The following ZNF514 variants were observed in gnomAD, a reference collection of about 807,000 sequenced individuals.
ZNF514 encodes zinc finger protein 514.
Under a neutral mutation model 9.7 loss-of-function variants are expected in ZNF514, and 12 were observed. The observed-to-expected ratio is 1.24, with a 90% CI of 0.79 to 2.01. The LOEUF (loss-of-function observed/expected upper bound fraction) is 2.01. Ranked by LOEUF, ZNF514 falls within the 30% of genes most tolerant of loss-of-function variation. The pLI, the probability that ZNF514 is intolerant of heterozygous loss-of-function variation, is 0.00. For missense variants in ZNF514, 467 were observed against 465.5 expected, an observed-to-expected ratio of 1.00 and a Z score of -0.03; for synonymous variants, 158 against 163.7, an observed-to-expected ratio of 0.97 and a Z score of 0.27.
the ZNF514 span, among the ~76,000 whole-genome samples, chr2:95,127,506 T>C: frequency 6.6e-6 from 1 of 152,256 alleles, no homozygotes; most frequent in Non-Finnish European, 1.5e-5. Flanking sequence ...AGTGATTAAG[T>C]GCCACCACAT....
rs911245498 is a variant in ZNF514, at chr2:95,152,700, C to T, written c.191G>A (p.Arg64Lys). The T allele has an allele frequency of 1.2e-6, 2 of 1,614,052 alleles. No individual in the cohort carries two copies. The highest frequency in any genetic ancestry group is 2.2e-5 in the East Asian group (1 of 44,896). Residue 64 changes from arginine to lysine, a missense_variant, in exon 4 of 5, where the codon AGA (arginine) becomes AAA (lysine). Arg to Lys is a conservative substitution (Grantham distance 26, BLOSUM62 2). Coordinates refer to ENST00000295208, the MANE Select transcript of ZNF514 (RefSeq NM_032788.3). ...TGAGTGGGCTCCTGTTGAGATTTCTCTCTCCACCATGAAGGGCTCACCCCC... is the reference window on the plus strand; with the variant it reads ...TGAGTGGGCTCCTGTTGAGATTTCTTTCTCCACCATGAAGGGCTCACCCCC... The part of the protein sequence containing the change: ...EEGGEPFMVE[R>K]EISTGAHSDW...
At chr2:95,154,636 T>C (rs1344536803) in intron 2 of ZNF514, 1 of 152,198 alleles carries the variant, frequency 6.6e-6, no homozygotes, top group East Asian at 1.9e-4. Context: ...TGGCTGAGTT[T>C]GACAAAGTAT....
At chr2:95,125,240 T>C in the ZNF514 span, among the ~76,000 whole-genome samples, 1 of 148,670 alleles carries the variant, frequency 6.7e-6, no homozygotes, top group Non-Finnish European at 1.5e-5. Flanking sequence ...TTTTTTTTTT[T>C]TTTTTTGAGA....
the ZNF514 span, among the ~76,000 whole-genome samples, chr2:95,127,601 G>GT: frequency 1.3e-5 from 2 of 151,566 alleles, no homozygotes; most frequent in East Asian, 2.0e-4. Flanking sequence ...TTTTGTTTTT[G>GT]TTTTTTTGTT....
intron 1 of ZNF514, among the ~76,000 whole-genome samples, chr2:95,157,700 T>C (rs149147802): frequency 9.8e-4 from 149 of 152,324 alleles, no homozygotes; most frequent in African/African-American, 3.5e-3. Context: ...AGTCTGGCCA[T>C]ACCACTGAAG....
At chr2:95,154,174 G>A (rs1423076613) in intron 2 of ZNF514, 4 of 152,348 alleles carry the variant, frequency 2.6e-5, no homozygotes, top group Non-Finnish European at 4.4e-5. Flanking sequence ...TGAAAGACAC[G>A]AGCTACAGGT....
chr2:95,157,487 C>T, intron 1 of ZNF514, 48 bp from the exon 2 acceptor site: 1 of 1,149,150 alleles, frequency 8.7e-7, no homozygotes. Flanking sequence ...AGCCAGCACA[C>T]ACAGCTCTCA....
At position 95,148,988 on chromosome 2, in the gene ZNF514, C is replaced by A; in HGVS notation, c.*294G>T. The A allele has an allele frequency of 3.0e-6, 1 of 334,472 alleles. No homozygotes were observed. The highest frequency in any genetic ancestry group is 4.4e-5 in the Admixed American group (1 of 22,706). 20.7% of individuals were successfully genotyped at this position (334,472 alleles called of 1,614,324 possible). On this transcript the variant is annotated 3_prime_UTR_variant, in exon 5 of 5. Coordinates refer to ENST00000295208, the MANE Select transcript of ZNF514 (RefSeq NM_032788.3). ...CTCACTGCATTGATAAGGCTCCTCC[C>A]CAGTGTCGGCTGTCTGATGCTGAAT...
intron 4 of ZNF514, among the ~76,000 whole-genome samples, chr2:95,152,393 T>C (rs1673566829): frequency 6.6e-6 from 1 of 152,076 alleles, no homozygotes; most frequent in African/African-American, 2.4e-5. Flanking sequence ...TGTTGATCCA[T>C]CTAACATTGA....
chr2:95,127,938 C>T, the ZNF514 span, among the ~76,000 whole-genome samples: 5 of 152,028 alleles, frequency 3.3e-5, no homozygotes, highest in Admixed American at 6.6e-5. Context: ...TAGCTGTTCC[C>T]TCTATATTTT....
At chr2:95,156,899 C>T (rs1158510386) in intron 2 of ZNF514, among the ~76,000 whole-genome samples, 1 of 152,160 alleles carries the variant, frequency 6.6e-6, no homozygotes, top group Non-Finnish European at 1.5e-5. Context: ...ACCTGCTTGT[C>T]CCCAATTCTC....
At position 95,146,002 on chromosome 2, in the gene ZNF514, T is replaced by C. The variant is rs1384661561; in HGVS notation, c.*3280A>G. On this transcript the variant is annotated 3_prime_UTR_variant, in exon 5 of 5. Transcript: ENST00000295208. ...CCTGGGGCTGTGTCAGACTTGTTTC[T>C]TATCAGACTTAAATCTATTTTGGCG... Among the ~76,000 whole-genome samples the C allele has an allele frequency of 2.0e-5, 3 of 152,180 alleles. No homozygotes were observed. Among genetic ancestry groups the C allele is most frequent in the Non-Finnish European group, 4.4e-5 (3 of 68,018 alleles).
At position 95,148,882 on chromosome 2, in the gene ZNF514, T is replaced by TA. The variant is rs1349675429; in HGVS notation, c.*399dup. ...ATACAACTGAAGATTTTTCCATACT[T>TA]ACCACACTTGTAGGATTTCTCTCCA... On this transcript the variant is annotated 3_prime_UTR_variant, in exon 5 of 5. Coordinates refer to ENST00000295208, the MANE Select transcript of ZNF514 (RefSeq NM_032788.3). The TA allele has an allele frequency of 1.7e-5, 3 of 173,514 alleles. No individual in the cohort carries two copies. Among genetic ancestry groups the TA allele is most frequent in the African/African-American group, 7.1e-5 (3 of 42,018 alleles). The allele number at this position is 173,514 out of a possible 1,614,324, so 10.7% of individuals were successfully genotyped here. A position where few individuals can be genotyped will look rare whatever the true frequency, so the allele number is the denominator to read the frequency against.
chr2:95,129,917 G>A, the ZNF514 span, among the ~76,000 whole-genome samples: 3 of 152,152 alleles, frequency 2.0e-5, no homozygotes, highest in Admixed American at 2.0e-4. Context: ...ACTTAATTAA[G>A]CACAGCCAGC....
chr2:95,142,712 T>C (rs1245581104), downstream of ZNF514, among the ~76,000 whole-genome samples: 1 of 152,184 alleles, frequency 6.6e-6, no homozygotes, highest in East Asian at 1.9e-4. Flanking sequence ...CCAAATGAGA[T>C]CACCCGTGAT....
rs1483010671 is a variant in ZNF514 at position 95,152,692 on chromosome 2, A to G, written c.199T>C (p.Ser67Pro). 16 of 1,614,024 alleles carry G rather than the reference A, an allele frequency of 9.9e-6. No homozygotes were observed. The highest frequency in any genetic ancestry group is 1.3e-5 in the African/African-American group (1 of 74,930). Residue 67 changes from serine to proline, a missense_variant, in exon 4 of 5, where the codon TCA becomes CCA. Ser to Pro is a moderately conservative substitution (Grantham distance 74, BLOSUM62 -1). Transcript: ENST00000295208. ...CACTCACCTGAGTGGGCTCCTGTTG[A>G]GATTTCTCTCTCCACCATGAAGGGC... is the stretch of plus-strand genomic sequence containing the variant. Reference protein sequence around the residue: ...GEPFMVEREISTGAHSDWKRR... With the variant: ...GEPFMVEREIPTGAHSDWKRR...
At chr2:95,157,795 A>G (rs1212482792) in intron 1 of ZNF514, among the ~76,000 whole-genome samples, 6 of 152,216 alleles carry the variant, frequency 3.9e-5, no homozygotes, top group Non-Finnish European at 8.8e-5. Flanking sequence ...GGAACTTTAA[A>G]TCTAGCCTAC....
the ZNF514 span, among the ~76,000 whole-genome samples, chr2:95,134,272 A>G: frequency 3.5e-4 from 53 of 152,284 alleles, no homozygotes; most frequent in African/African-American, 1.1e-3. Flanking sequence ...CCAGCAAATT[A>G]GGCCTCAGTC....
the ZNF514 span, among the ~76,000 whole-genome samples, chr2:95,125,445 A>G: frequency 6.6e-6 from 1 of 151,974 alleles, no homozygotes; most frequent in African/African-American, 2.4e-5. Flanking sequence ...TCACCATGTT[A>G]GCCAGGATGG....
Sources: allele counts gnomAD v4.1 joint callset (sites outside exome capture counted in the v4.1 genomes callset), GRCh38; gene constraint gnomAD v4.1.1; transcripts MANE v1.5; gene names NCBI Gene and HGNC (gene_info 2026-07-23, HGNC 2026-07-21).